DDR2: variants seen among roughly 807,000 people sequenced by gnomAD.
The protein encoded by DDR2 is discoidin domain-containing receptor 2.
Under a neutral mutation model 94.9 loss-of-function variants are expected in DDR2, and 27 were observed. The ratio of observed to expected loss-of-function variants is 0.28; its 90% CI spans 0.21 to 0.39. DDR2 has a LOEUF of 0.39. Among genes scored for constraint, DDR2 ranks in the 10% least tolerant of loss-of-function variants. The probability of loss-of-function intolerance (pLI) is 1.00; values close to 1 mark genes in which losing one functional copy is unlikely to be tolerated. For synonymous variants in DDR2, 382 were observed against 377.2 expected, an observed-to-expected ratio of 1.01 and a Z score of -0.15; for missense variants, 783 against 1,076.0, an observed-to-expected ratio of 0.73 and a Z score of 3.81.
intron 1 of DDR2, among the ~76,000 whole-genome samples, chr1:162,649,556 A>G (rs1033199642): frequency 6.6e-6 from 1 of 152,226 alleles, no homozygotes; most frequent in Non-Finnish European, 1.5e-5. Context: ...GTCTGTCTTC[A>G]TATTCAAAAA....
intron 2 of DDR2, among the ~76,000 whole-genome samples, chr1:162,715,139 A>C (rs895020985): frequency 1.3e-5 from 2 of 152,212 alleles, no homozygotes; most frequent in African/African-American, 4.8e-5. Context: ...TAGAATGACC[A>C]GATGTAGTCA....
At chr1:162,762,935 C>A (rs558000104) in intron 9 of DDR2, among the ~76,000 whole-genome samples, 3 of 152,126 alleles carry the variant, frequency 2.0e-5, no homozygotes, top group African/African-American at 2.4e-5. Flanking sequence ...CTCCCGGGAT[C>A]GAGTGATTCT....
chr1:162,661,086 C>T (rs1311162641), intron 2 of DDR2, among the ~76,000 whole-genome samples: 2 of 152,172 alleles, frequency 1.3e-5, no homozygotes, highest in African/African-American at 2.4e-5. Context: ...AACCATAAAC[C>T]GTCATTCCCA....
At chr1:162,725,473 G>A (rs1397689407) in intron 3 of DDR2, among the ~76,000 whole-genome samples, 1 of 152,098 alleles carries the variant, frequency 6.6e-6, no homozygotes, top group Admixed American at 6.6e-5. Context: ...CAACCTCCTG[G>A]GCTCAAGCCA....
chr1:162,684,141 A>C (rs557665790), intron 2 of DDR2, among the ~76,000 whole-genome samples: 1 of 152,338 alleles, frequency 6.6e-6, no homozygotes, highest in Admixed American at 6.5e-5. Flanking sequence ...AGAGTCAGGA[A>C]GCCCAGGTTT....
chr1:162,669,277 A>C (rs1371593928), intron 2 of DDR2, among the ~76,000 whole-genome samples: 2 of 152,252 alleles, frequency 1.3e-5, no homozygotes, highest in African/African-American at 4.8e-5. Flanking sequence ...ACAAAAATTC[A>C]CCAACCGGGG....
intron 2 of DDR2, chr1:162,705,058 C>T (rs1660600231): frequency 6.6e-6 from 1 of 152,250 alleles, no homozygotes; most frequent in African/African-American, 2.4e-5. Flanking sequence ...GCAGATGCCT[C>T]CCAGGACCCA....
In DDR2 at chr1:162,687,346, A is replaced by G. The variant is rs532749373; in HGVS notation, c.-27-31691A>G. 2.0e-5 allele frequency among the ~76,000 whole-genome samples: 3 copies of G among 152,328 alleles called. No homozygotes were observed. The East Asian group carries it at 5.8e-4, about 29-fold the overall frequency. On this transcript the variant is annotated intron_variant, in intron 2 of 17. Transcript: ENST00000367921. ...GTCACCATGGCCATAAAACGGCCCC[A>G]CTGCTGGGCTTGCTTTCCCTGGCCT...
chr1:162,724,786 G>T (rs564332830), intron 3 of DDR2, among the ~76,000 whole-genome samples: 1 of 152,052 alleles, frequency 6.6e-6, no homozygotes, highest in Admixed American at 6.6e-5. Context: ...TGGCGCGGGG[G>T]TGTAGTGTGT....
At chr1:162,711,934 C>T (rs1660935241) in intron 2 of DDR2, among the ~76,000 whole-genome samples, 1 of 152,042 alleles carries the variant, frequency 6.6e-6, no homozygotes, top group African/African-American at 2.4e-5. Context: ...TGAAGGGCTG[C>T]TGTTTCCACC....
At chr1:162,730,950 C>T (rs1286443657) in intron 3 of DDR2, among the ~76,000 whole-genome samples, 2 of 152,208 alleles carry the variant, frequency 1.3e-5, no homozygotes, top group African/African-American at 2.4e-5. Context: ...GAGTCGGCCT[C>T]CTGCCCCTGC....
At chr1:162,684,436 T>C (rs2101963428) in intron 2 of DDR2, among the ~76,000 whole-genome samples, 1 of 152,266 alleles carries the variant, frequency 6.6e-6, no homozygotes, top group Middle Eastern at 3.4e-3. Context: ...CCAAGAACTT[T>C]CATGAAATTT....
intron 12 of DDR2, among the ~76,000 whole-genome samples, chr1:162,771,304 G>A (rs1276259279): frequency 6.6e-6 from 1 of 152,164 alleles, no homozygotes; most frequent in Non-Finnish European, 1.5e-5. Context: ...CAGGAGAGAG[G>A]AGCTAGGCCT....
chr1:162,748,650 T>C (rs1663014244), intron 3 of DDR2, among the ~76,000 whole-genome samples: 1 of 152,196 alleles, frequency 6.6e-6, no homozygotes, highest in Admixed American at 6.5e-5. Flanking sequence ...CTGCACCAAG[T>C]GGACCTAATA....
At chr1:162,770,880 T>C in intron 12 of DDR2, 1 of 315,680 alleles carries the variant, frequency 3.2e-6, no homozygotes, top group Non-Finnish European at 6.1e-6. Context: ...CCAAATTTCA[T>C]GAGTGGGTAA....
chr1:162,752,025 T>A (rs1403356722), intron 3 of DDR2, among the ~76,000 whole-genome samples: 5 of 151,984 alleles, frequency 3.3e-5, no homozygotes, highest in African/African-American at 1.2e-4. Context: ...AGGAATGGCA[T>A]TAAGAGAAAT....
intron 3 of DDR2, among the ~76,000 whole-genome samples, chr1:162,743,245 T>A (rs1205121679): frequency 6.6e-6 from 1 of 152,072 alleles, no homozygotes; most frequent in African/African-American, 2.4e-5. Flanking sequence ...AGAAGGGCCC[T>A]CTTGCCTTCA....
At chr1:162,711,875 T>C (rs1472639665) in intron 2 of DDR2, among the ~76,000 whole-genome samples, 1 of 152,102 alleles carries the variant, frequency 6.6e-6, no homozygotes, top group Non-Finnish European at 1.5e-5. Context: ...ATCATGTGTA[T>C]TTAGATCTAA....
chr1:162,698,762 C>T (rs1056185569), intron 2 of DDR2, among the ~76,000 whole-genome samples: 1 of 152,188 alleles, frequency 6.6e-6, no homozygotes, highest in Non-Finnish European at 1.5e-5. Context: ...CCATTCTCTT[C>T]TTGAACTATG....
Sources: gnomAD v4.1 joint callset for allele counts (sites outside exome capture counted in the v4.1 genomes callset) on GRCh38, gnomAD v4.1.1 for gene constraint, MANE v1.5 for transcripts, NCBI Gene and HGNC (gene_info 2026-07-23, HGNC 2026-07-21) for gene names.